The following GCLC variants were observed in gnomAD, a reference collection of about 807,000 sequenced individuals.
GCLC encodes glutamate-cysteine ligase catalytic subunit, also known as glutamate--cysteine ligase catalytic subunit.
A neutral mutation model predicts 81.5 loss-of-function variants in GCLC; 30 were observed. The ratio of observed to expected loss-of-function variants is 0.37; its 90% CI spans 0.28 to 0.50. GCLC has a LOEUF of 0.50. Among genes scored for constraint, GCLC ranks in the 20% least tolerant of loss-of-function variants. The probability of loss-of-function intolerance (pLI) is 0.96; values close to 1 mark genes in which losing one functional copy is unlikely to be tolerated. For synonymous variants in GCLC, 262 were observed against 273.3 expected (o/e 0.96, Z 0.41); for missense variants, 556 against 777.4 (o/e 0.72, Z 3.39).
intron 1 of GCLC, among the ~76,000 whole-genome samples, chr6:53,541,955 A>G (rs1763363981): frequency 6.6e-6 from 1 of 151,878 alleles, no homozygotes; most frequent in Non-Finnish European, 1.5e-5. Flanking sequence ...GCAGCCTCAA[A>G]CTCCCAGGCT....
intron 3 of GCLC, among the ~76,000 whole-genome samples, chr6:53,516,843 T>C (rs2127623713): frequency 6.6e-6 from 1 of 152,284 alleles, no homozygotes; most frequent in East Asian, 1.9e-4. Context: ...TAAGGAGCTC[T>C]AATTTCAACA....
chr6:53,507,097 A>G, intron 9 of GCLC, 72 bp from the exon 10 acceptor site: 3 of 859,886 alleles, frequency 3.5e-6, no homozygotes, highest in Non-Finnish European at 6.0e-6. Context: ...CAGAAAGACG[A>G]CAGGATAGCT....
chr6:53,502,385 G>A (rs758074352), intron 12 of GCLC, among the ~76,000 whole-genome samples: 136 of 152,306 alleles, frequency 8.9e-4, no homozygotes, highest in Non-Finnish European at 1.9e-3. Context: ...GTGGGAAACT[G>A]AGGCACTGAG....
intron 1 of GCLC, among the ~76,000 whole-genome samples, chr6:53,524,740 T>C (rs996162458): frequency 1.3e-5 from 2 of 152,266 alleles, no homozygotes; most frequent in African/African-American, 2.4e-5. Context: ...CCTTGCTTAC[T>C]GAGTGCATCA....
At chr6:53,512,108 C>T (rs1487096212) in intron 6 of GCLC, among the ~76,000 whole-genome samples, 2 of 151,936 alleles carry the variant, frequency 1.3e-5, no homozygotes, top group Non-Finnish European at 2.9e-5. Context: ...GCCACCAGGT[C>T]TAATTTTTGT....
chr6:53,531,881 C>CT (rs1483022760), intron 1 of GCLC, among the ~76,000 whole-genome samples: 3 of 152,216 alleles, frequency 2.0e-5, no homozygotes, highest in Non-Finnish European at 4.4e-5. Flanking sequence ...TAGTCTTTGG[C>CT]TTTTAAATCA....
intron 1 of GCLC, among the ~76,000 whole-genome samples, chr6:53,534,516 T>C (rs1763226480): frequency 6.7e-6 from 1 of 148,628 alleles, no homozygotes. Context: ...AGAGAAAATA[T>C]ATGAAAGAAT....
chr6:53,517,645 T>C (rs761163199), intron 3 of GCLC, among the ~76,000 whole-genome samples: 10 of 152,050 alleles, frequency 6.6e-5, no homozygotes, highest in African/African-American at 1.4e-4. Flanking sequence ...CAGAATCAGA[T>C]TGGATGAAGA....
At chr6:53,544,351 C>T (rs1291890479) in intron 1 of GCLC, 145 bp downstream of exon 1, 5 of 734,624 alleles carry the variant, frequency 6.8e-6, no homozygotes, top group Non-Finnish European at 1.1e-5. Context: ...AGGGACGATG[C>T]TCCCGGGGCC....
At chr6:53,524,784 C>T (rs888365077) in intron 1 of GCLC, among the ~76,000 whole-genome samples, 1 of 152,182 alleles carries the variant, frequency 6.6e-6, no homozygotes, top group Admixed American at 6.5e-5. Flanking sequence ...GAACTTGTAG[C>T]AATTATATAA....
In GCLC at chr6:53,508,581, A is replaced by G. The variant is rs1304522845; in HGVS notation, c.945+14T>C. The G allele has an allele frequency of 6.7e-7, 1 of 1,503,514 alleles. No individual in the cohort carries two copies. Among genetic ancestry groups the G allele is most frequent in the Non-Finnish European group, 9.3e-7 (1 of 1,078,994 alleles). The allele number at this position is 1,503,514 out of a possible 1,614,324, so 93.1% of individuals were successfully genotyped here. ...CTTGACTTAAAAGGGCTATTAAGGA[A>G]AAACAATTCCCACCTCCAGTCCTCG... On this transcript the variant is annotated intron_variant, in intron 8 of 15. Transcript: ENST00000650454.
At chr6:53,513,974 A>T (rs1454407906) in intron 6 of GCLC, 1 of 566,266 alleles carries the variant, frequency 1.8e-6, no homozygotes, top group Non-Finnish European at 3.1e-6. Flanking sequence ...ATAAAGGTAT[A>T]TATACCGTAT....
chr6:53,531,434 G>A (rs993970437), intron 1 of GCLC, among the ~76,000 whole-genome samples: 1 of 152,100 alleles, frequency 6.6e-6, no homozygotes, highest in African/African-American at 2.4e-5. Context: ...GAAGACCATG[G>A]TCCTTCAGCA....
chr6:53,509,069 G>A (rs1581731944), intron 7 of GCLC, 107 bp downstream of exon 7: 1 of 739,846 alleles, frequency 1.4e-6, no homozygotes, highest in East Asian at 2.6e-5. Flanking sequence ...GTCCATCTCT[G>A]ACTGAGGTCT....
At chr6:53,542,764 C>A (rs1460220618) in intron 1 of GCLC, among the ~76,000 whole-genome samples, 1 of 145,180 alleles carries the variant, frequency 6.9e-6, no homozygotes, top group African/African-American at 2.6e-5. Flanking sequence ...GCCTGTAATC[C>A]CAGCACTTTG....
At chr6:53,538,803 G>C (rs1187676540) in intron 1 of GCLC, among the ~76,000 whole-genome samples, 11 of 152,192 alleles carry the variant, frequency 7.2e-5, no homozygotes, top group Non-Finnish European at 1.6e-4. Context: ...TTACCTTCTT[G>C]CCTTCAAGAG....
At chr6:53,508,184 G>A (rs1055001888) in intron 8 of GCLC, among the ~76,000 whole-genome samples, 5 of 152,080 alleles carry the variant, frequency 3.3e-5, no homozygotes, top group South Asian at 2.1e-4. Flanking sequence ...CCCCTTGTTG[G>A]AGAGATGCAA....
At chr6:53,503,737 T>C (rs2127619750) in intron 12 of GCLC, among the ~76,000 whole-genome samples, 1 of 143,882 alleles carries the variant, frequency 7.0e-6, no homozygotes, top group East Asian at 2.3e-4. Flanking sequence ...AATTCTATTA[T>C]TTCTTTGATT....
intron 3 of GCLC, among the ~76,000 whole-genome samples, chr6:53,518,330 AACCTCC>A (rs1217549595): frequency 6.6e-6 from 1 of 152,104 alleles, no homozygotes; most frequent in African/African-American, 2.4e-5. Context: ...AGCTCACTGC[AACCTCC>A]ACCTCCCAGG....
Sources: allele counts gnomAD v4.1 joint callset (sites outside exome capture counted in the v4.1 genomes callset), GRCh38; gene constraint gnomAD v4.1.1; transcripts MANE v1.5; gene names NCBI Gene and HGNC (gene_info 2026-07-23, HGNC 2026-07-21).